The following PSIP1 variants were observed in gnomAD, a reference collection of about 807,000 sequenced individuals.
The protein encoded by PSIP1 is PC4 and SFRS1-interacting protein.
PSIP1 carries 19 observed loss-of-function variants against 74.7 expected under a neutral mutation model. The ratio of observed to expected loss-of-function variants is 0.25; its 90% CI spans 0.18 to 0.37. The LOEUF (loss-of-function observed/expected upper bound fraction) is 0.37, where lower values mean the gene tolerates loss of function less well. PSIP1 is among the 10% of genes least tolerant of loss of function. The pLI is 1.00. For synonymous variants in PSIP1, 222 were observed against 195.3 expected (o/e 1.14, Z -1.14); for missense variants, 601 against 614.3 (o/e 0.98, Z 0.23).
chr9:15,490,753 A>G (rs2036795684), intron 3 of PSIP1, among the ~76,000 whole-genome samples: 1 of 151,896 alleles, frequency 6.6e-6, no homozygotes, highest in Non-Finnish European at 1.5e-5. Context: ...ACTTTGACAC[A>G]TTAGCATTAA....
At chr9:15,498,132 G>A (rs980872086) in intron 3 of PSIP1, among the ~76,000 whole-genome samples, 5 of 152,112 alleles carry the variant, frequency 3.3e-5, no homozygotes, top group Admixed American at 1.3e-4. Flanking sequence ...GGGTCAAGCC[G>A]GGAATGGTGG....
chr9:15,492,391 C>G (rs536018292), intron 3 of PSIP1, among the ~76,000 whole-genome samples: 18 of 152,358 alleles, frequency 1.2e-4, no homozygotes, highest in Non-Finnish European at 2.2e-4. Flanking sequence ...AAAATGATCT[C>G]CTTTGACTGC....
intron 3 of PSIP1, among the ~76,000 whole-genome samples, chr9:15,496,341 A>C (rs2037074298): frequency 6.6e-6 from 1 of 152,226 alleles, no homozygotes; most frequent in African/African-American, 2.4e-5. Context: ...CTTTGAGTTT[A>C]AATTCCACTT....
chr9:15,490,222 C>T (rs2132141615), intron 3 of PSIP1, 98 bp from the exon 4 acceptor site: 1 of 1,120,660 alleles, frequency 8.9e-7, no homozygotes, highest in Non-Finnish European at 1.2e-6. Context: ...AAATACAGAA[C>T]CTAAACTGCA....
chr9:15,510,647 A>C (rs2037826737), intron 1 of PSIP1, among the ~76,000 whole-genome samples, 170 bp downstream of exon 1: 1 of 152,024 alleles, frequency 6.6e-6, no homozygotes, highest in African/African-American at 2.4e-5. Context: ...AGGGATTCCG[A>C]GAAGCGAGCG....
At chr9:15,465,647 TAA>T (rs2035573823) in intron 15 of PSIP1, 67 bp from the exon 16 acceptor site, 1 of 1,289,998 alleles carries the variant, frequency 7.8e-7, no homozygotes, top group Non-Finnish European at 1.1e-6. Context: ...AAAAAGACAT[TAA>T]GTCTGCATTA....
chr9:15,473,912 A>AAC, intron 9 of PSIP1, 97 bp downstream of exon 9: 1 of 910,450 alleles, frequency 1.1e-6, no homozygotes, highest in Non-Finnish European at 1.5e-6. Flanking sequence ...AACAAAAAAA[A>AAC]AACAAAAAAA....
Position 15,510,820 on chromosome 9 carries a change from CCGGGGCCG to C in PSIP1, c.-153_-146del, listed in dbSNP as rs1296737514. The stretch of plus-strand genomic sequence containing the variant: ...CGAGTCCCCGTCGCCCGCTCACCTG[CCGGGGCCG>C]CGGGCGCCGACGCTGCGGTTGCTGG... On this transcript the variant is annotated 5_prime_UTR_variant, in exon 1 of 16. Coordinates refer to ENST00000380733, the MANE Select transcript of PSIP1 (RefSeq NM_033222.5). The C allele has an allele frequency of 2.0e-5, 3 of 151,938 alleles. No homozygotes were observed. Among genetic ancestry groups the C allele is most frequent in the African/African-American group, 7.2e-5 (3 of 41,394 alleles). The allele number at this position is 151,938 out of a possible 1,614,324, so 9.4% of individuals were successfully genotyped here.
At chr9:15,506,290 C>T in intron 3 of PSIP1, 1 of 297,192 alleles carries the variant, frequency 3.4e-6, no homozygotes, top group Non-Finnish European at 6.3e-6. Flanking sequence ...CTTATTAAAA[C>T]TTTCCTTATG....
At chr9:15,490,409 G>A (rs773506817) in intron 3 of PSIP1, among the ~76,000 whole-genome samples, 5 of 152,160 alleles carry the variant, frequency 3.3e-5, no homozygotes, top group Non-Finnish European at 5.9e-5. Context: ...ATCGCCATGC[G>A]TGGTGCCTTA....
intron 9 of PSIP1, 90 bp downstream of exon 9, chr9:15,473,915 CAAAA>C (rs386414512): frequency 5.5e-5 from 33 of 600,660 alleles, no homozygotes; most frequent in Non-Finnish European, 7.0e-5. Flanking sequence ...AAAAAAAAAA[CAAAA>C]AAAAAAACAA....
chr9:15,485,063 T>C (rs1013668051), intron 6 of PSIP1, among the ~76,000 whole-genome samples: 1 of 152,160 alleles, frequency 6.6e-6, no homozygotes, highest in Non-Finnish European at 1.5e-5. Context: ...CTCTAGCCTA[T>C]GTGACAGCAT....
chr9:15,499,046 G>C (rs1233824505), intron 3 of PSIP1, among the ~76,000 whole-genome samples: 3 of 152,146 alleles, frequency 2.0e-5, no homozygotes, highest in Non-Finnish European at 4.4e-5. Flanking sequence ...AAATTCCAGA[G>C]CTGAAAGGAA....
At chr9:15,469,677 A>C (rs2132038882) in intron 11 of PSIP1, among the ~76,000 whole-genome samples, 1 of 152,292 alleles carries the variant, frequency 6.6e-6, no homozygotes, top group South Asian at 2.1e-4. Context: ...GAAATGGGAA[A>C]GCATCCAGCT....
chr9:15,469,543 TA>T (rs2035751790), intron 11 of PSIP1, among the ~76,000 whole-genome samples: 5 of 152,146 alleles, frequency 3.3e-5, no homozygotes, highest in Admixed American at 3.3e-4. Context: ...ACATGCAGTG[TA>T]AAAGCACAAA....
At chr9:15,481,375 A>T (rs972907076) in intron 6 of PSIP1, among the ~76,000 whole-genome samples, 6 of 152,226 alleles carry the variant, frequency 3.9e-5, no homozygotes, top group Non-Finnish European at 7.3e-5. Flanking sequence ...CTGCTTTTGG[A>T]AATAAATCAA....
intron 4 of PSIP1, among the ~76,000 whole-genome samples, chr9:15,489,774 C>T (rs1437733682): frequency 2.0e-5 from 3 of 151,966 alleles, no homozygotes; most frequent in Non-Finnish European, 2.9e-5. Flanking sequence ...CTGAATAGTT[C>T]CCAGTTTCTT....
chr9:15,482,669 G>C (rs2036386826), intron 6 of PSIP1, among the ~76,000 whole-genome samples: 1 of 152,042 alleles, frequency 6.6e-6, no homozygotes, highest in Non-Finnish European at 1.5e-5. Flanking sequence ...CCACATCTTT[G>C]ATCTTTCCTA....
In PSIP1 at chr9:15,468,445, T is replaced by G. The variant is rs1301065520; in HGVS notation, c.1420+185A>C. On this transcript the variant is annotated intron_variant, in intron 14 of 15. Coordinates refer to ENST00000380733, the MANE Select transcript of PSIP1 (RefSeq NM_033222.5). Reference sequence around the variant, plus strand: ...AGAAGTCGAATATAAACTGACATGATTTTTTGTTCTCAATGCACACTGCTC... The same window carrying G: ...AGAAGTCGAATATAAACTGACATGAGTTTTTGTTCTCAATGCACACTGCTC... The G allele has an allele frequency of 3.9e-6, 3 of 778,992 alleles. No homozygotes were observed. In the African/African-American group the frequency reaches 5.1e-5, roughly 13 times the overall value. 48.3% of individuals were successfully genotyped at this position (778,992 alleles called of 1,614,324 possible). A position where few individuals can be genotyped will look rare whatever the true frequency, so the allele number is the denominator to read the frequency against.
Sources: allele counts gnomAD v4.1 joint callset (sites outside exome capture counted in the v4.1 genomes callset), GRCh38; gene constraint gnomAD v4.1.1; transcripts MANE v1.5; gene names NCBI Gene and HGNC (gene_info 2026-07-23, HGNC 2026-07-21).